Variants in CDKL4 observed in about 807,000 individuals in gnomAD.
The protein encoded by CDKL4 is cyclin dependent kinase like 4.
Under a neutral mutation model 42.0 loss-of-function variants are expected in CDKL4, and 44 were observed. The ratio of observed to expected loss-of-function variants is 1.05; its 90% CI spans 0.82 to 1.35. CDKL4 has a LOEUF of 1.35. CDKL4 is among the 40% of genes most tolerant of loss of function. The pLI is 0.00. For missense variants in CDKL4, 393 were observed against 369.9 expected (o/e 1.06, Z -0.51); for synonymous variants, 120 against 121.6 (o/e 0.99, Z 0.09).
chr2:39,168,998 G>A, the CDKL4 span, among the ~76,000 whole-genome samples: 1 of 152,010 alleles, frequency 6.6e-6, no homozygotes. Flanking sequence ...CTCGTGATCC[G>A]CCTGCCTTGC....
chr2:39,212,307 C>A (rs1677636358), intron 4 of CDKL4, among the ~76,000 whole-genome samples: 1 of 151,382 alleles, frequency 6.6e-6, no homozygotes, highest in South Asian at 2.1e-4. Context: ...GATCTCGGCT[C>A]ACTGCAAGCT....
At chr2:39,185,705 C>A (rs1362251038) in intron 7 of CDKL4, among the ~76,000 whole-genome samples, 1 of 151,602 alleles carries the variant, frequency 6.6e-6, no homozygotes, top group Non-Finnish European at 1.5e-5. Context: ...TAGTGATCCG[C>A]CTGCCTCGGC....
At chr2:39,246,161 TCTC>T (rs536577120), upstream of CDKL4, among the ~76,000 whole-genome samples, 12 of 152,282 alleles carry the variant, frequency 7.9e-5, no homozygotes, top group East Asian at 2.1e-3. Flanking sequence ...GTGACTCTCT[TCTC>T]CTTTTCTCAT....
At chr2:39,209,336 A>G (rs1677436793) in intron 4 of CDKL4, among the ~76,000 whole-genome samples, 1 of 149,420 alleles carries the variant, frequency 6.7e-6, no homozygotes. Flanking sequence ...AAAAAAAGTC[A>G]TTTTTGCCAT....
chr2:39,240,812 G>A (rs983940825), intron 1 of CDKL4, among the ~76,000 whole-genome samples: 1 of 152,076 alleles, frequency 6.6e-6, no homozygotes, highest in Non-Finnish European at 1.5e-5. Context: ...ATGTGCAAGT[G>A]AGAAGGGCAC....
rs115741707 is a variant in CDKL4 at position 39,176,943 on chromosome 2, C to G, written c.928-847G>C. On this transcript the variant is annotated intron_variant, in intron 9 of 9. Coordinates refer to ENST00000451199, the Ensembl canonical transcript of CDKL4. Reference sequence around the variant, plus strand: ...ACTTGAAAGGCACCCCTGTCTTTCTCTTGGCCTGGCTCCCTGGGCACCTCA... The same window carrying G: ...ACTTGAAAGGCACCCCTGTCTTTCTGTTGGCCTGGCTCCCTGGGCACCTCA... Among the ~76,000 whole-genome samples, 238 of 152,278 alleles carry G rather than the reference C, an allele frequency of 1.6e-3. 1 individual carries two copies. Among genetic ancestry groups the G allele is most frequent in the African/African-American group, 5.4e-3 (224 of 41,554 alleles).
At chr2:39,170,929 T>G (rs2148270600), downstream of CDKL4, among the ~76,000 whole-genome samples, 1 of 152,288 alleles carries the variant, frequency 6.6e-6, no homozygotes, top group African/African-American at 2.4e-5. Context: ...TGTAATTTTA[T>G]GGCAAGTAAG....
intron 1 of CDKL4, among the ~76,000 whole-genome samples, chr2:39,232,325 T>C (rs1207167117): frequency 5.3e-5 from 8 of 152,164 alleles, no homozygotes; most frequent in Admixed American, 5.2e-4. Flanking sequence ...TGCCTGTAAA[T>C]TCCTTTGTGG....
intron 1 of CDKL4, among the ~76,000 whole-genome samples, chr2:39,233,279 T>A (rs2373527): frequency 0.86 from 130,470 of 151,824 alleles, 56,411 homozygotes; most frequent in Non-Finnish European, 0.92. Flanking sequence ...ATACCCTAAG[T>A]GTGTCCTGGT....
At chr2:39,233,361 G>C (rs543916751) in intron 1 of CDKL4, among the ~76,000 whole-genome samples, 1 of 152,248 alleles carries the variant, frequency 6.6e-6, no homozygotes, top group Admixed American at 6.5e-5. Flanking sequence ...AGTCAGTGTG[G>C]CACCATTTTT....
chr2:39,178,581 T>C, intron 9 of CDKL4: 2 of 1,552,454 alleles, frequency 1.3e-6, no homozygotes, highest in South Asian at 2.4e-5. Flanking sequence ...TGAAAGCAAG[T>C]GAAGGACAGT....
intron 5 of CDKL4, among the ~76,000 whole-genome samples, chr2:39,196,265 C>G (rs1330941103): frequency 6.6e-6 from 1 of 152,246 alleles, no homozygotes; most frequent in Non-Finnish European, 1.5e-5. Flanking sequence ...ATAGAGTCCA[C>G]TTCACTCCCC....
chr2:39,178,532 C>T (rs1157512369), intron 9 of CDKL4: 4 of 1,550,070 alleles, frequency 2.6e-6, no homozygotes, highest in South Asian at 2.4e-5. Context: ...CAAAACAAAC[C>T]TATTTCCATG....
chr2:39,173,633 C>A (rs533697136), downstream of CDKL4, among the ~76,000 whole-genome samples: 13 of 152,042 alleles, frequency 8.6e-5, no homozygotes, highest in East Asian at 2.3e-3. Flanking sequence ...CACGGTGAAA[C>A]CCTGTCTCTA....
intron 4 of CDKL4, among the ~76,000 whole-genome samples, chr2:39,204,819 TG>T (rs1179539770): frequency 6.6e-6 from 1 of 152,198 alleles, no homozygotes; most frequent in Non-Finnish European, 1.5e-5. Context: ...ATTAAAATAT[TG>T]TTTTATTATT....
chr2:39,219,451 C>T (rs184177111), intron 3 of CDKL4, among the ~76,000 whole-genome samples: 1,698 of 151,700 alleles, frequency 0.011, 7 homozygotes, highest in Non-Finnish European at 0.018. Context: ...GACAGAGTCT[C>T]GCTCTGTCAC....
chr2:39,185,217 C>T (rs1170845675), intron 7 of CDKL4, among the ~76,000 whole-genome samples: 1 of 3,962 alleles, frequency 2.5e-4, no homozygotes, highest in Admixed American at 1.7e-3. Flanking sequence ...CGTATATATA[C>T]ATATATACAC....
chr2:39,205,759 C>CAAAAAAAA (rs1167041058), intron 4 of CDKL4, among the ~76,000 whole-genome samples: 6 of 78,636 alleles, frequency 7.6e-5, no homozygotes, highest in Non-Finnish European at 9.6e-5. Flanking sequence ...GACTCCGTCT[C>CAAAAAAAA]AAAAAAAAAA....
intron 8 of CDKL4, among the ~76,000 whole-genome samples, chr2:39,183,380 C>T (rs1327751667): frequency 6.6e-6 from 1 of 152,090 alleles, no homozygotes; most frequent in African/African-American, 2.4e-5. Flanking sequence ...CCTTGATGCA[C>T]TGAGAGGATT....
Sources: allele counts gnomAD v4.1 joint callset (sites outside exome capture counted in the v4.1 genomes callset), GRCh38; gene constraint gnomAD v4.1.1; transcripts MANE v1.5; gene names NCBI Gene and HGNC (gene_info 2026-07-23, HGNC 2026-07-21).